Variants in ITFG1 observed in about 807,000 individuals in gnomAD.
ITFG1 encodes the protein T-cell immunomodulatory protein.
A neutral mutation model predicts 81.8 loss-of-function variants in ITFG1; 34 were observed. That is an observed-to-expected ratio of 0.42 (90% confidence interval 0.32 to 0.55). The LOEUF (loss-of-function observed/expected upper bound fraction) is 0.55, where lower values mean the gene tolerates loss of function less well. ITFG1 is among the 20% of genes least tolerant of loss of function. The pLI is 0.17. For missense variants in ITFG1, 672 were observed against 755.4 expected, an observed-to-expected ratio of 0.89 and a Z score of 1.29; for synonymous variants, 285 against 270.6, an observed-to-expected ratio of 1.05 and a Z score of -0.52.
chr16:47,170,806 G>A (rs1964949256), intron 14 of ITFG1, among the ~76,000 whole-genome samples: 1 of 138,678 alleles, frequency 7.2e-6, no homozygotes, highest in Middle Eastern at 4.0e-3. Context: ...TATGATGTCA[G>A]CTCACTGCAA....
chr16:47,328,773 C>CT (rs1967597550), intron 8 of ITFG1, among the ~76,000 whole-genome samples: 1 of 152,068 alleles, frequency 6.6e-6, no homozygotes, highest in African/African-American at 2.4e-5. Flanking sequence ...AGAGATCAAA[C>CT]TTTTTTCCGT....
chr16:47,194,451 T>C (rs1355963376), intron 14 of ITFG1, among the ~76,000 whole-genome samples: 2 of 152,202 alleles, frequency 1.3e-5, no homozygotes, highest in Non-Finnish European at 2.9e-5. Context: ...TTGTAGAATA[T>C]GGAATCCTAG....
chr16:47,249,679 G>A (rs186345015), intron 12 of ITFG1, among the ~76,000 whole-genome samples: 41 of 152,290 alleles, frequency 2.7e-4, no homozygotes, highest in Admixed American at 2.2e-3. Flanking sequence ...AATGGGATGT[G>A]CAATTTGTAA....
At chr16:47,203,858 A>G (rs1461960957) in intron 14 of ITFG1, among the ~76,000 whole-genome samples, 1 of 152,194 alleles carries the variant, frequency 6.6e-6, no homozygotes, top group African/African-American at 2.4e-5. Flanking sequence ...AGAATGGTAC[A>G]TGCCATGGGC....
At chr16:47,270,084 T>G (rs757333180) in intron 10 of ITFG1, among the ~76,000 whole-genome samples, 34 of 152,280 alleles carry the variant, frequency 2.2e-4, no homozygotes, top group Admixed American at 8.5e-4. Context: ...TCGGATATAA[T>G]GGATCACAGA....
At chr16:47,430,797 T>C (rs1411255039) in intron 5 of ITFG1, among the ~76,000 whole-genome samples, 1 of 152,200 alleles carries the variant, frequency 6.6e-6, no homozygotes, top group Non-Finnish European at 1.5e-5. Context: ...AATTACCATA[T>C]GATCCTGCAT....
chr16:47,438,157 G>C (rs1969194008), intron 5 of ITFG1, among the ~76,000 whole-genome samples: 1 of 152,174 alleles, frequency 6.6e-6, no homozygotes, highest in African/African-American at 2.4e-5. Context: ...CATTGCTCAG[G>C]CTTGAGTAGG....
intron 8 of ITFG1, among the ~76,000 whole-genome samples, chr16:47,361,269 T>A (rs898799491): frequency 3.9e-5 from 6 of 152,120 alleles, no homozygotes; most frequent in African/African-American, 1.4e-4. Context: ...TTACAATAAT[T>A]CAATCTATAA....
In ITFG1 at chr16:47,453,950, T is replaced by G. The variant is rs933354534; in HGVS notation, c.427+63A>C. 3.8e-6 allele frequency: 4 copies of G among 1,046,442 alleles called. No individual in the cohort carries two copies. The African/African-American group carries it at 6.5e-5, about 17-fold the overall frequency. 64.8% of individuals were successfully genotyped at this position (1,046,442 alleles called of 1,614,324 possible). On this transcript the variant is annotated intron_variant, in intron 3 of 17. Coordinates refer to ENST00000320640, the MANE Select transcript of ITFG1 (RefSeq NM_030790.5). ...TATTTTTGAACTGATTTCAGAACAA[T>G]ATTTTGTTACATTTACCTTCATATT...
At chr16:47,430,057 C>CTTTTTTT (rs920966590) in intron 5 of ITFG1, among the ~76,000 whole-genome samples, 1 of 122,016 alleles carries the variant, frequency 8.2e-6, no homozygotes, top group African/African-American at 3.0e-5. Context: ...TTTTACTTTT[C>CTTTTTTT]TTTTTTTTTT....
intron 10 of ITFG1, among the ~76,000 whole-genome samples, chr16:47,287,288 C>T (rs1331864986): frequency 1.3e-5 from 2 of 152,042 alleles, no homozygotes; most frequent in Non-Finnish European, 2.9e-5. Flanking sequence ...TGCTCTATTG[C>T]CCGGACTGGT....
intron 6 of ITFG1, among the ~76,000 whole-genome samples, chr16:47,392,657 G>A (rs770026441): frequency 1.3e-5 from 2 of 152,178 alleles, no homozygotes; most frequent in Non-Finnish European, 1.5e-5. Flanking sequence ...TGAAGTGGGT[G>A]TAATATCACC....
intron 10 of ITFG1, among the ~76,000 whole-genome samples, chr16:47,269,683 G>A (rs1227204545): frequency 6.6e-6 from 1 of 152,118 alleles, no homozygotes; most frequent in African/African-American, 2.4e-5. Context: ...ATGCAATATT[G>A]TTAAGATGTC....
chr16:47,260,466 G>T, intron 11 of ITFG1, 79 bp downstream of exon 11: 2 of 1,452,560 alleles, frequency 1.4e-6, no homozygotes, highest in Non-Finnish European at 9.5e-7. Context: ...CACATTTTCT[G>T]GTCAAATGGA....
At chr16:47,461,070 C>G, upstream of ITFG1, 1 of 1,502,690 alleles carries the variant, frequency 6.7e-7, no homozygotes, top group Non-Finnish European at 8.8e-7. Flanking sequence ...CCCCGCCCGC[C>G]GGCCCAACGC....
intron 13 of ITFG1, among the ~76,000 whole-genome samples, chr16:47,228,488 C>T (rs1480127177): frequency 6.6e-6 from 1 of 152,152 alleles, no homozygotes; most frequent in Admixed American, 6.5e-5. Context: ...TCCTGAGTAC[C>T]CGGGATTACA....
chr16:47,442,142 C>T (rs983353269), intron 5 of ITFG1, among the ~76,000 whole-genome samples: 2 of 152,110 alleles, frequency 1.3e-5, no homozygotes, highest in South Asian at 4.2e-4. Flanking sequence ...AGGACCTCTT[C>T]AAGGAGAACT....
chr16:47,179,650 A>G (rs1297516137), intron 14 of ITFG1, among the ~76,000 whole-genome samples: 1 of 151,692 alleles, frequency 6.6e-6, no homozygotes, highest in African/African-American at 2.4e-5. Flanking sequence ...AAAAAAAAAG[A>G]AATAAGCTGT....
chr16:47,396,078 C>T (rs1461506879), intron 6 of ITFG1: 12 of 692,428 alleles, frequency 1.7e-5, no homozygotes, highest in South Asian at 6.5e-5. Flanking sequence ...CTTTAGTCTA[C>T]GTGATAGTAG....
Sources: gnomAD v4.1 joint callset for allele counts (sites outside exome capture counted in the v4.1 genomes callset) on GRCh38, gnomAD v4.1.1 for gene constraint, MANE v1.5 for transcripts, NCBI Gene and HGNC (gene_info 2026-07-23, HGNC 2026-07-21) for gene names.